Variants in TTC21B observed in about 807,000 individuals in gnomAD.
TTC21B encodes tetratricopeptide repeat protein 21B.
Under a neutral mutation model 175.1 loss-of-function variants are expected in TTC21B, and 127 were observed. That is an observed-to-expected ratio of 0.73 (90% CI 0.63 to 0.84). TTC21B has a LOEUF of 0.84. Among genes scored for constraint, TTC21B ranks in the 40% least tolerant of loss-of-function variants. TTC21B has a pLI of 0.00. For missense variants in TTC21B, 1,561 were observed against 1,558.3 expected (o/e 1.00, Z -0.03); for synonymous variants, 524 against 524.5 (o/e 1.00, Z 0.01).
At chr2:165,912,277 T>C (rs999443577) in intron 17 of TTC21B, among the ~76,000 whole-genome samples, 1 of 152,170 alleles carries the variant, frequency 6.6e-6, no homozygotes, top group Non-Finnish European at 1.5e-5. Flanking sequence ...ATTGATTTGG[T>C]AGCAAGGATT....
At chr2:165,881,641 T>C (rs1684839934) in intron 26 of TTC21B, among the ~76,000 whole-genome samples, 1 of 152,156 alleles carries the variant, frequency 6.6e-6, no homozygotes, top group African/African-American at 2.4e-5. Flanking sequence ...TGTAATTAGA[T>C]GTAGAGGTTT....
chr2:165,901,694 GTA>G, intron 20 of TTC21B, 26 bp downstream of exon 20: 1 of 1,586,966 alleles, frequency 6.3e-7, no homozygotes, highest in Non-Finnish European at 8.7e-7. Flanking sequence ...GGAATAAAAG[GTA>G]TTTAAAATTT....
intron 11 of TTC21B, chr2:165,928,708 C>CTT (rs72386101): frequency 5.6e-5 from 9 of 161,612 alleles, no homozygotes; most frequent in East Asian, 1.7e-4. Flanking sequence ...ATGGTCCTTT[C>CTT]TTTTTTTTTT....
intron 16 of TTC21B, 43 bp downstream of exon 16, chr2:165,913,531 A>G (rs1254713769): frequency 7.3e-7 from 1 of 1,363,030 alleles, no homozygotes; most frequent in Non-Finnish European, 1.0e-6. Flanking sequence ...CTCATCACAA[A>G]TAATTTTTTA....
intron 18 of TTC21B, among the ~76,000 whole-genome samples, chr2:165,908,158 T>G (rs534144330): frequency 1.3e-5 from 2 of 152,316 alleles, no homozygotes; most frequent in African/African-American, 4.8e-5. Flanking sequence ...ATAACTGCTC[T>G]TTTAAAAATC....
chr2:165,946,320 T>C (rs55894207), intron 3 of TTC21B, among the ~76,000 whole-genome samples: 6,889 of 151,524 alleles, frequency 0.045, 229 homozygotes, highest in African/African-American at 0.085. Flanking sequence ...GCCTGGGTGA[T>C]AGAGCAAGAC....
At chr2:165,923,484 T>A (rs1348066738) in intron 12 of TTC21B, among the ~76,000 whole-genome samples, 5 of 149,850 alleles carry the variant, frequency 3.3e-5, no homozygotes, top group Non-Finnish European at 4.4e-5. Flanking sequence ...TCTCACTCTG[T>A]CACCCAGGCT....
intron 25 of TTC21B, among the ~76,000 whole-genome samples, chr2:165,884,447 A>C (rs956207709): frequency 6.6e-6 from 1 of 152,216 alleles, no homozygotes; most frequent in Non-Finnish European, 1.5e-5. Flanking sequence ...ACGAGTAACA[A>C]TAATTTACCT....
In TTC21B at chr2:165,941,279, T is replaced by A. The variant is rs528319747; in HGVS notation, c.553-95A>T. 4.4e-5 allele frequency: 61 copies of A among 1,379,708 alleles called. 1 individual carries two copies. In the Admixed American group the frequency reaches 5.3e-4, roughly 12 times the overall value. The allele number at this position is 1,379,708 out of a possible 1,614,324, so 85.5% of individuals were successfully genotyped here. A position where few individuals can be genotyped will look rare whatever the true frequency, so the allele number is the denominator to read the frequency against. ...AGGCAGAGTATGAGCGTTTAATACT[T>A]ACTTTTCTGTGAGGAGCAGTTATCA... On this transcript the variant is annotated intron_variant, in intron 5 of 28. Transcript: ENST00000243344.
intron 11 of TTC21B, among the ~76,000 whole-genome samples, chr2:165,925,880 G>A (rs1686607834): frequency 6.6e-6 from 1 of 152,110 alleles, no homozygotes; most frequent in African/African-American, 2.4e-5. Flanking sequence ...TAAAAATAGT[G>A]AAAGTGTAAG....
Position 165,917,473 on chromosome 2 carries a change from G to C in TTC21B, c.1683C>G (p.Asp561Glu). ...LCLSYDFKVR[D>E]YPLYHLIKAQ... ...CTTTTATCAAATGGTATAAAGGATA[G>C]TCTCTCACCTGAAGAATAATATTTA... Residue 561 changes from aspartate (D) to glutamate (E), a missense_variant, in exon 14 of 29, where the codon GAC becomes GAG. Asp to Glu is a conservative substitution (Grantham distance 45). Transcript: ENST00000243344. 1 of 1,608,360 alleles carries C rather than the reference G, an allele frequency of 6.2e-7. No individual in the cohort carries two copies. The highest frequency in any genetic ancestry group is 1.1e-5 in the South Asian group (1 of 90,954).
chr2:165,910,807 G>GT (rs1685906337), intron 18 of TTC21B, among the ~76,000 whole-genome samples: 1 of 120,002 alleles, frequency 8.3e-6, no homozygotes, highest in Non-Finnish European at 1.9e-5. Context: ...ACACGTATGT[G>GT]GAAAAAATTG....
At position 165,883,805 on chromosome 2, in the gene TTC21B, G is replaced by A. The variant is rs377393152; in HGVS notation, c.3673C>T (p.Arg1225Cys). 34 of 1,612,990 alleles carry A rather than the reference G, an allele frequency of 2.1e-5. No individual in the cohort carries two copies. The African/African-American group carries it at 2.7e-4, about 13-fold the overall frequency. ...CTTCAATCACCTACTCTATTATGACGCAGGCACCGTTTTAACAGGTCTTCT... is the reference window on the plus strand; with the variant it reads ...CTTCAATCACCTACTCTATTATGACACAGGCACCGTTTTAACAGGTCTTCT... Reference protein sequence around the residue: ...MAEDLLKRCLRHNRSCCKAYE... With the variant: ...MAEDLLKRCLCHNRSCCKAYE... The change falls in exon 26 of 29, where the codon CGT becomes TGT. Residue 1225 changes from arginine (R) to cysteine (C), a missense_variant. Arg to Cys is a radical substitution (Grantham distance 180, BLOSUM62 -3). Coordinates refer to ENST00000243344, the MANE Select transcript of TTC21B (RefSeq NM_024753.5).
intron 19 of TTC21B, among the ~76,000 whole-genome samples, chr2:165,905,754 C>T (rs556755398): frequency 6.6e-4 from 101 of 152,188 alleles, no homozygotes; most frequent in Middle Eastern, 3.4e-3. Context: ...AAACAAATAA[C>T]GACCAAACAC....
At chr2:165,894,383 A>C (rs1685292775) in intron 22 of TTC21B, among the ~76,000 whole-genome samples, 1 of 152,186 alleles carries the variant, frequency 6.6e-6, no homozygotes, top group South Asian at 2.1e-4. Context: ...CTTAATCTAA[A>C]GTACAAGATG....
intron 18 of TTC21B, among the ~76,000 whole-genome samples, chr2:165,908,053 C>G (rs1039819612): frequency 2.0e-5 from 3 of 152,088 alleles, no homozygotes; most frequent in African/African-American, 7.2e-5. Flanking sequence ...AACAATTTAA[C>G]ACCACAATAA....
intron 27 of TTC21B, 117 bp from the exon 28 acceptor site, chr2:165,876,349 A>T: frequency 1.4e-6 from 1 of 727,428 alleles, no homozygotes; most frequent in South Asian, 1.4e-5. Flanking sequence ...CTGGTGAATG[A>T]ACAACCAAAC....
At chr2:165,908,553 C>T (rs1012957188) in intron 18 of TTC21B, among the ~76,000 whole-genome samples, 1 of 152,240 alleles carries the variant, frequency 6.6e-6, no homozygotes, top group Admixed American at 6.5e-5. Context: ...GTTCATGACA[C>T]GCCATGCCAC....
At chr2:165,891,896 A>G (rs1685208474) in intron 22 of TTC21B, among the ~76,000 whole-genome samples, 1 of 152,118 alleles carries the variant, frequency 6.6e-6, no homozygotes, top group African/African-American at 2.4e-5. Flanking sequence ...AAATGTAAGC[A>G]AAGATATTTC....
Sources: gnomAD v4.1 joint callset for allele counts (sites outside exome capture counted in the v4.1 genomes callset) on GRCh38, gnomAD v4.1.1 for gene constraint, MANE v1.5 for transcripts, NCBI Gene and HGNC (gene_info 2026-07-23, HGNC 2026-07-21) for gene names.